The following TENM3 variants were observed in gnomAD, a reference collection of about 807,000 sequenced individuals.
TENM3 encodes the protein teneurin transmembrane protein 3.
Under a neutral mutation model 255.1 loss-of-function variants are expected in TENM3, and 63 were observed. The observed-to-expected ratio is 0.25, with a 90% CI of 0.20 to 0.30. The LOEUF (loss-of-function observed/expected upper bound fraction) is 0.30, where lower values mean the gene tolerates loss of function less well. Ranked by LOEUF, TENM3 falls within the 10% of genes least tolerant of loss-of-function variation. The pLI, the probability that TENM3 is intolerant of heterozygous loss-of-function variation, is 1.00. For synonymous variants in TENM3, 1,306 were observed against 1,322.3 expected (o/e 0.99, Z 0.27); for missense variants, 2,929 against 3,461.1 (o/e 0.85, Z 3.86).
chr4:181,667,505 A>C, the TENM3 span, among the ~76,000 whole-genome samples: 11 of 152,292 alleles, frequency 7.2e-5, no homozygotes, highest in East Asian at 1.7e-3. Context: ...TGGTTTGGCC[A>C]CAAAGCCTCT....
the TENM3 span, among the ~76,000 whole-genome samples, chr4:181,776,394 C>T: frequency 1.3e-5 from 2 of 152,166 alleles, no homozygotes; most frequent in East Asian, 3.9e-4. Flanking sequence ...ATCCCAGAAT[C>T]CCTTCGAAAT....
rs189522741 is a variant in TENM3 at position 182,771,989 on chromosome 4, A to G, written c.4893-1483A>G. Among the ~76,000 whole-genome samples, 594 of 152,160 alleles carry G rather than the reference A, an allele frequency of 3.9e-3. 12 individuals carry two copies. The highest frequency in any genetic ancestry group is 0.035 in the Admixed American group (534 of 15,282). On this transcript the variant is annotated intron_variant, in intron 22 of 27. Coordinates refer to ENST00000511685, the MANE Select transcript of TENM3 (RefSeq NM_001080477.4). ...TTGTCAGATCATGTCAGTCAAACCC[A>G]TGATCTGACCGATACTGTCCCCACC...
chr4:182,358,834 A>G lies in TENM3; in HGVS notation c.511+11905A>G, dbSNP rs1765745034. On this transcript the variant is annotated intron_variant, in intron 3 of 27. Coordinates refer to ENST00000511685, the MANE Select transcript of TENM3 (RefSeq NM_001080477.4). Reference sequence around the variant, plus strand: ...GAATGCTTCCAGTTTTTGCCCATTCAGTATGATATTGGCTGTGGGTTTGTC... The same window carrying G: ...GAATGCTTCCAGTTTTTGCCCATTCGGTATGATATTGGCTGTGGGTTTGTC... 2.0e-5 allele frequency among the ~76,000 whole-genome samples: 3 copies of G among 150,150 alleles called. No homozygotes were observed. The Admixed American group carries it at 2.0e-4, about 10-fold the overall frequency.
At chr4:182,791,538 C>G (rs1484992864) in intron 25 of TENM3, among the ~76,000 whole-genome samples, 2 of 152,172 alleles carry the variant, frequency 1.3e-5, no homozygotes, top group Non-Finnish European at 2.9e-5. Context: ...AGTATGTAGT[C>G]CAGAAACCAT....
At chr4:181,578,859 A>G in the TENM3 span, among the ~76,000 whole-genome samples, 1,115 of 152,212 alleles carry the variant, frequency 7.3e-3, 14 homozygotes, top group African/African-American at 0.025. Context: ...CAAGGGCCCT[A>G]TCTCCAAATA....
upstream of TENM3, among the ~76,000 whole-genome samples, chr4:182,140,425 T>C (rs183426726): frequency 6.6e-5 from 10 of 152,270 alleles, no homozygotes; most frequent in African/African-American, 2.4e-4. Flanking sequence ...CCCCTGGTCA[T>C]TTCTACCCCG....
At chr4:181,796,296 C>T in the TENM3 span, among the ~76,000 whole-genome samples, 2 of 152,162 alleles carry the variant, frequency 1.3e-5, no homozygotes, top group African/African-American at 4.8e-5. Flanking sequence ...GACAAGTGCC[C>T]TGTCCTCACT....
intron 3 of TENM3, among the ~76,000 whole-genome samples, chr4:182,349,236 C>T (rs886611992): frequency 1.3e-5 from 2 of 152,048 alleles, no homozygotes; most frequent in South Asian, 2.1e-4. Context: ...TTTTAAACAA[C>T]GTTTTGATGG....
chr4:182,420,674 C>A (rs770053892), intron 3 of TENM3, among the ~76,000 whole-genome samples: 5 of 152,116 alleles, frequency 3.3e-5, no homozygotes, highest in Non-Finnish European at 5.9e-5. Flanking sequence ...GGGGCAGAAT[C>A]CTGTGGATAT....
At chr4:182,315,513 G>A (rs1762703593) in intron 1 of TENM3, among the ~76,000 whole-genome samples, 1 of 151,942 alleles carries the variant, frequency 6.6e-6, no homozygotes, top group Non-Finnish European at 1.5e-5. Flanking sequence ...CTGCCTTTAA[G>A]ATTTTCTCTT....
chr4:181,861,602 C>A, the TENM3 span, among the ~76,000 whole-genome samples: 1 of 152,036 alleles, frequency 6.6e-6, no homozygotes, highest in Admixed American at 6.6e-5. Flanking sequence ...TATCTTCCAA[C>A]ATCCCTAATA....
chr4:181,841,915 C>T, the TENM3 span, among the ~76,000 whole-genome samples: 2 of 152,156 alleles, frequency 1.3e-5, no homozygotes, highest in African/African-American at 2.4e-5. Flanking sequence ...CTGTTGAAAC[C>T]GATAAACTCA....
At chr4:181,479,608 A>G in the TENM3 span, among the ~76,000 whole-genome samples, 1 of 152,060 alleles carries the variant, frequency 6.6e-6, no homozygotes, top group Non-Finnish European at 1.5e-5. Context: ...ATTTTAAAAA[A>G]CACACACAGA....
At chr4:182,146,421 T>G (rs1749971172) in intron 1 of TENM3, among the ~76,000 whole-genome samples, 1 of 152,174 alleles carries the variant, frequency 6.6e-6, no homozygotes, top group Non-Finnish European at 1.5e-5. Flanking sequence ...ATTCACAAAT[T>G]ATTCCTAAAT....
At chr4:182,150,185 A>G (rs1750241312) in intron 1 of TENM3, among the ~76,000 whole-genome samples, 1 of 151,856 alleles carries the variant, frequency 6.6e-6, no homozygotes, top group Middle Eastern at 3.2e-3. Context: ...CTCAAAACCA[A>G]AAAAAGATAA....
chr4:182,517,088 C>G (rs998200318), intron 3 of TENM3, among the ~76,000 whole-genome samples: 5 of 151,798 alleles, frequency 3.3e-5, no homozygotes, highest in African/African-American at 1.2e-4. Flanking sequence ...CTTAGATTTT[C>G]AACAGAAAAA....
chr4:181,448,542 A>C, the TENM3 span, among the ~76,000 whole-genome samples: 1 of 152,144 alleles, frequency 6.6e-6, no homozygotes, highest in Non-Finnish European at 1.5e-5. Context: ...TGGTTCATAA[A>C]ACAGGAAAGA....
At chr4:182,441,987 G>A (rs1007822744) in intron 3 of TENM3, among the ~76,000 whole-genome samples, 7 of 152,326 alleles carry the variant, frequency 4.6e-5, no homozygotes, top group African/African-American at 1.4e-4. Flanking sequence ...CAGGAAAAGA[G>A]TATTTACGGA....
upstream of TENM3, among the ~76,000 whole-genome samples, chr4:182,140,343 G>A (rs1330663905): frequency 6.6e-6 from 1 of 152,024 alleles, no homozygotes; most frequent in Non-Finnish European, 1.5e-5. Flanking sequence ...GCTCCTTTTG[G>A]GCATATGTGG....
Sources: gnomAD v4.1 joint callset for allele counts (sites outside exome capture counted in the v4.1 genomes callset) on GRCh38, gnomAD v4.1.1 for gene constraint, MANE v1.5 for transcripts, NCBI Gene and HGNC (gene_info 2026-07-23, HGNC 2026-07-21) for gene names.